SMCO4: variants seen among roughly 807,000 people sequenced by gnomAD.
The protein encoded by SMCO4 is single-pass membrane and coiled-coil domain-containing protein 4.
A neutral mutation model predicts 3.6 loss-of-function variants in SMCO4; 4 were observed. The ratio of observed to expected loss-of-function variants is 1.11; its 90% CI spans 0.54 to 2.53. The LOEUF is 2.53. Ranked by LOEUF, SMCO4 falls within the 30% of genes most tolerant of loss-of-function variation. SMCO4 has a pLI of 0.02. For synonymous variants in SMCO4, 36 were observed against 35.3 expected (o/e 1.02, Z -0.07); for missense variants, 70 against 80.8 (o/e 0.87, Z 0.51).
upstream of SMCO4, among the ~76,000 whole-genome samples, chr11:93,544,475 AC>A (rs1157705043): frequency 2.6e-5 from 4 of 152,124 alleles, no homozygotes; most frequent in East Asian, 7.7e-4. Flanking sequence ...GAATTGTGGA[AC>A]CCACTCTTCT....
chr11:93,520,464 A>C (rs1949047218), intron 1 of SMCO4, among the ~76,000 whole-genome samples: 1 of 152,220 alleles, frequency 6.6e-6, no homozygotes. Context: ...AAGGCACCAA[A>C]GTCAAACACC....
rs762437359 is a variant in SMCO4 at position 93,479,186 on chromosome 11, G to C, written c.4C>G (p.Arg2Gly). The C allele has an allele frequency of 1.1e-5, 18 of 1,613,398 alleles. No homozygotes were observed. Among genetic ancestry groups the C allele is most frequent in the Non-Finnish European group, 1.4e-5 (17 of 1,179,754 alleles). M[R>G]QLKGKPKKET... is the part of the protein sequence containing the mutation. ...TTCTTGGGCTTCCCTTTGAGCTGCC[G>C]CATCTTTCCTAGAGGATGCTAGGAG... Residue 2 changes from arginine (R) to glycine (G), a missense_variant, in exon 3 of 3, where the codon CGG (arginine) becomes GGG (glycine). By Grantham distance (125) the Arg-to-Gly change is moderately radical. Transcript: ENST00000298966.
the SMCO4 span, among the ~76,000 whole-genome samples, chr11:93,551,639 G>A: frequency 2.0e-5 from 3 of 152,174 alleles, no homozygotes; most frequent in Admixed American, 1.3e-4. Context: ...TGCAGTCTCT[G>A]CACCTAAACT....
intron 1 of SMCO4, among the ~76,000 whole-genome samples, chr11:93,535,991 G>T (rs1949221449): frequency 6.6e-6 from 1 of 152,050 alleles, no homozygotes; most frequent in South Asian, 2.1e-4. Context: ...TAAGAATCTA[G>T]TTTATTTTGC....
chr11:93,544,927 C>A (rs1391215294), upstream of SMCO4, among the ~76,000 whole-genome samples: 1 of 152,134 alleles, frequency 6.6e-6, no homozygotes, highest in Non-Finnish European at 1.5e-5. Context: ...GTGTTCTATG[C>A]GCTGAAAGAA....
intron 1 of SMCO4, among the ~76,000 whole-genome samples, chr11:93,527,722 A>G (rs1237490599): frequency 6.6e-6 from 1 of 152,194 alleles, no homozygotes; most frequent in Non-Finnish European, 1.5e-5. Flanking sequence ...CAGTCTCCCA[A>G]AGGGCTGGGA....
intron 1 of SMCO4, among the ~76,000 whole-genome samples, chr11:93,527,295 G>C (rs565082640): frequency 1.3e-5 from 2 of 152,242 alleles, no homozygotes; most frequent in East Asian, 3.9e-4. Context: ...GTCAGTTCTG[G>C]GTTCAAATCC....
chr11:93,491,950 G>A (rs1439443515), intron 2 of SMCO4, among the ~76,000 whole-genome samples: 2 of 152,188 alleles, frequency 1.3e-5, no homozygotes, highest in Admixed American at 6.5e-5. Context: ...ACAAGCACCA[G>A]TTGTTTATAA....
At chr11:93,482,493 T>C (rs763433929) in intron 2 of SMCO4, among the ~76,000 whole-genome samples, 4 of 152,200 alleles carry the variant, frequency 2.6e-5, no homozygotes, top group African/African-American at 7.2e-5. Context: ...AGAGAGATCA[T>C]GTCCAAGGCA....
intron 1 of SMCO4, among the ~76,000 whole-genome samples, chr11:93,514,229 T>G (rs1759634612): frequency 6.6e-6 from 1 of 151,722 alleles, no homozygotes; most frequent in African/African-American, 2.4e-5. Context: ...TATAGGCCAG[T>G]GGTTCATGGC....
chr11:93,498,310 T>G (rs2658765), intron 2 of SMCO4, among the ~76,000 whole-genome samples: 16,584 of 152,240 alleles, frequency 0.11, 1,083 homozygotes, highest in East Asian at 0.31. Flanking sequence ...GCTGACTTAT[T>G]CATTTAAAGG....
At chr11:93,498,474 C>T (rs79356655) in intron 2 of SMCO4, among the ~76,000 whole-genome samples, 232 of 152,254 alleles carry the variant, frequency 1.5e-3, no homozygotes, top group African/African-American at 5.2e-3. Flanking sequence ...ATGCAACCCC[C>T]ACTCACACCC....
At chr11:93,538,788 C>T (rs963835996) in intron 1 of SMCO4, among the ~76,000 whole-genome samples, 1 of 152,210 alleles carries the variant, frequency 6.6e-6, no homozygotes, top group Non-Finnish European at 1.5e-5. Context: ...TCCGCAACCA[C>T]TGCCACTGTC....
At chr11:93,541,794 G>A (rs1949273306) in intron 1 of SMCO4, among the ~76,000 whole-genome samples, 1 of 152,108 alleles carries the variant, frequency 6.6e-6, no homozygotes, top group Non-Finnish European at 1.5e-5. Flanking sequence ...TTAAATCTAA[G>A]CTAATTTCTT....
intron 1 of SMCO4, among the ~76,000 whole-genome samples, chr11:93,537,205 G>A (rs1394249289): frequency 6.6e-6 from 1 of 152,216 alleles, no homozygotes; most frequent in African/African-American, 2.4e-5. Context: ...CAAAGCCAAA[G>A]AAACGGCCTG....
intron 2 of SMCO4, among the ~76,000 whole-genome samples, chr11:93,491,902 G>GT (rs1948722186): frequency 6.6e-6 from 1 of 152,202 alleles, no homozygotes; most frequent in Non-Finnish European, 1.5e-5. Context: ...CAGCCCTCAT[G>GT]TTCTTTTAGG....
intron 2 of SMCO4, among the ~76,000 whole-genome samples, chr11:93,498,410 C>T (rs917582615): frequency 3.3e-5 from 5 of 152,170 alleles, no homozygotes; most frequent in African/African-American, 1.2e-4. Context: ...AGGTGATCCA[C>T]CTGTGCAGCA....
intron 1 of SMCO4, among the ~76,000 whole-genome samples, chr11:93,508,991 T>C (rs1017849439): frequency 1.4e-4 from 21 of 152,102 alleles, no homozygotes; most frequent in African/African-American, 4.8e-4. Context: ...AAGAGACAAC[T>C]ATTAAAAATT....
intron 1 of SMCO4, among the ~76,000 whole-genome samples, chr11:93,526,938 G>A (rs1426545042): frequency 1.3e-5 from 2 of 152,138 alleles, no homozygotes; most frequent in Non-Finnish European, 2.9e-5. Context: ...TGAGCTCTAG[G>A]CCATTGCCCT....
Sources: gnomAD v4.1 joint callset for allele counts (sites outside exome capture counted in the v4.1 genomes callset) on GRCh38, gnomAD v4.1.1 for gene constraint, MANE v1.5 for transcripts, NCBI Gene and HGNC (gene_info 2026-07-23, HGNC 2026-07-21) for gene names.